Variants in DNAH5 observed in about 807,000 individuals in gnomAD.
DNAH5 encodes the protein axonemal beta dynein heavy chain 5.
DNAH5 carries 372 observed loss-of-function variants against 518.2 expected under a neutral mutation model. That is an observed-to-expected ratio of 0.72 (90% CI 0.66 to 0.78). The LOEUF is 0.78. Ranked by LOEUF, DNAH5 falls within the 30% of genes least tolerant of loss-of-function variation. The probability of loss-of-function intolerance (pLI) is 0.00; values close to 1 mark genes in which losing one functional copy is unlikely to be tolerated. For synonymous variants in DNAH5, 2,039 were observed against 2,025.9 expected, an observed-to-expected ratio of 1.01 and a Z score of -0.17; for missense variants, 5,523 against 5,687.0, an observed-to-expected ratio of 0.97 and a Z score of 0.93.
At chr5:13,838,849 A>G (rs1299266793) in intron 35 of DNAH5, among the ~76,000 whole-genome samples, 1 of 152,110 alleles carries the variant, frequency 6.6e-6, no homozygotes, top group African/African-American at 2.4e-5. Context: ...GACTGAATCT[A>G]GGGAGGTTGC....
intron 31 of DNAH5, among the ~76,000 whole-genome samples, chr5:13,850,193 T>G (rs1766625781): frequency 6.6e-6 from 1 of 152,202 alleles, no homozygotes; most frequent in Non-Finnish European, 1.5e-5. Context: ...ACAAAAAAAC[T>G]TTATGACTCT....
chr5:13,814,411 T>A (rs933495200), intron 43 of DNAH5, among the ~76,000 whole-genome samples, 194 bp downstream of exon 43: 1 of 152,218 alleles, frequency 6.6e-6, no homozygotes, highest in Non-Finnish European at 1.5e-5. Flanking sequence ...TCAAAAGTGA[T>A]TGGAAGAGTA....
chr5:13,886,592 G>C (rs889204031), intron 17 of DNAH5, among the ~76,000 whole-genome samples: 2 of 152,132 alleles, frequency 1.3e-5, no homozygotes, highest in Non-Finnish European at 2.9e-5. Flanking sequence ...CATGATTTGA[G>C]GCATGGTGAT....
chr5:13,729,348 ACTAT>A, intron 69 of DNAH5, 87 bp downstream of exon 69: 1 of 1,538,970 alleles, frequency 6.5e-7, no homozygotes, highest in East Asian at 2.3e-5. Context: ...AATATTAAGA[ACTAT>A]CTCTCTTCCA....
intron 31 of DNAH5, among the ~76,000 whole-genome samples, chr5:13,845,654 T>C (rs909572090): frequency 2.0e-5 from 3 of 152,188 alleles, no homozygotes; most frequent in African/African-American, 7.2e-5. Flanking sequence ...GATATGTGTA[T>C]TCTGTTGTTT....
chr5:13,989,608 G>A (rs990470361), intron 1 of DNAH5, among the ~76,000 whole-genome samples: 2 of 151,110 alleles, frequency 1.3e-5, no homozygotes, highest in African/African-American at 4.9e-5. Context: ...CTCAGCCTCC[G>A]GAGTAGCTGG....
intron 31 of DNAH5, among the ~76,000 whole-genome samples, chr5:13,849,715 A>T (rs905991632): frequency 5.9e-5 from 9 of 151,658 alleles, no homozygotes; most frequent in Non-Finnish European, 1.0e-4. Flanking sequence ...GCCGTCTCAA[A>T]TTTTTTTTTG....
intron 24 of DNAH5, among the ~76,000 whole-genome samples, chr5:13,869,930 A>G (rs1319453590): frequency 6.6e-6 from 1 of 152,174 alleles, no homozygotes. Context: ...AAGTGAATCT[A>G]TTCAAGGGTG....
intron 70 of DNAH5, among the ~76,000 whole-genome samples, chr5:13,722,658 G>A (rs576340983): frequency 8.5e-5 from 13 of 152,310 alleles, no homozygotes; most frequent in Non-Finnish European, 1.5e-4. Flanking sequence ...ATCAGGGAAC[G>A]TCCATCTTCC....
intron 31 of DNAH5, among the ~76,000 whole-genome samples, chr5:13,846,590 G>A (rs533028518): frequency 5.3e-5 from 8 of 152,098 alleles, no homozygotes; most frequent in Non-Finnish European, 1.0e-4. Context: ...ACAAAGGAGG[G>A]CACTCATTGA....
chr5:13,937,939 C>T (rs922005693), intron 1 of DNAH5, among the ~76,000 whole-genome samples: 2 of 152,172 alleles, frequency 1.3e-5, no homozygotes, highest in African/African-American at 4.8e-5. Context: ...TACAGCCATT[C>T]TCCTATCCCC....
Position 13,802,875 on chromosome 5 carries a change from T to C in DNAH5, c.7887+4716A>G, listed in dbSNP as rs183957779. ...AGGTAAGCCACTTAATATTTCTGGGTATAATACAACCCAGAAATGAGAGTG... is the reference window on the plus strand; with the variant it reads ...AGGTAAGCCACTTAATATTTCTGGGCATAATACAACCCAGAAATGAGAGTG... On this transcript the variant is annotated intron_variant, in intron 47 of 78. Coordinates refer to ENST00000265104, the MANE Select transcript of DNAH5 (RefSeq NM_001369.3). 1.4e-4 allele frequency among the ~76,000 whole-genome samples: 21 copies of C among 152,316 alleles called. No individual in the cohort carries two copies. The East Asian group carries it at 4.0e-3, about 29-fold the overall frequency.
intron 39 of DNAH5, 112 bp downstream of exon 39, chr5:13,824,087 C>A (rs989303813): frequency 8.8e-7 from 1 of 1,142,102 alleles, no homozygotes. Flanking sequence ...CTTTATCTGA[C>A]AATTAGGCAT....
intron 1 of DNAH5, among the ~76,000 whole-genome samples, chr5:13,984,207 G>C (rs920079008): frequency 6.6e-6 from 1 of 152,204 alleles, no homozygotes; most frequent in African/African-American, 2.4e-5. Context: ...GCTCAAAAAA[G>C]CAAAGATTTG....
upstream of DNAH5, among the ~76,000 whole-genome samples, chr5:13,945,290 G>C (rs1206195505): frequency 6.6e-6 from 1 of 152,202 alleles, no homozygotes; most frequent in Non-Finnish European, 1.5e-5. Context: ...GGACACTTAA[G>C]GTTGGTCTTG....
intron 69 of DNAH5, 69 bp from the exon 70 acceptor site, chr5:13,727,725 T>A (rs1561123178): frequency 1.2e-5 from 19 of 1,571,186 alleles, no homozygotes; most frequent in Non-Finnish European, 1.4e-5. Flanking sequence ...GTCATAGATA[T>A]GTTTCATCAA....
chr5:13,858,869 T>G (rs997356520), intron 30 of DNAH5, among the ~76,000 whole-genome samples: 1 of 152,218 alleles, frequency 6.6e-6, no homozygotes, highest in Non-Finnish European at 1.5e-5. Flanking sequence ...TGAATAAGAA[T>G]CCTTGAGAAT....
chr5:13,919,088 T>A, intron 7 of DNAH5, 88 bp downstream of exon 7: 1 of 1,510,304 alleles, frequency 6.6e-7, no homozygotes, highest in East Asian at 2.3e-5. Flanking sequence ...TAATAACATT[T>A]TTTTGTTCCT....
chr5:13,898,487 C>T (rs568664539), intron 15 of DNAH5: 2 of 398,466 alleles, frequency 5.0e-6, no homozygotes, highest in African/African-American at 4.1e-5. Flanking sequence ...AATGTCTGTC[C>T]ATTGCCAATA....
Sources: allele counts gnomAD v4.1 joint callset (sites outside exome capture counted in the v4.1 genomes callset), GRCh38; gene constraint gnomAD v4.1.1; transcripts MANE v1.5; gene names NCBI Gene and HGNC (gene_info 2026-07-23, HGNC 2026-07-21).